Variants in TSBP1 observed in about 807,000 individuals in gnomAD.
TSBP1 encodes testis expressed basic protein 1.
A neutral mutation model predicts 68.8 loss-of-function variants in TSBP1; 56 were observed. The ratio of observed to expected loss-of-function variants is 0.81; its 90% CI spans 0.66 to 1.02. The LOEUF is 1.02. Among genes scored for constraint, TSBP1 ranks in the 50% least tolerant of loss-of-function variants. The probability of loss-of-function intolerance (pLI) is 0.00; values close to 1 mark genes in which losing one functional copy is unlikely to be tolerated. For synonymous variants in TSBP1, 171 were observed against 208.7 expected (o/e 0.82, Z 1.56); for missense variants, 502 against 641.2 (o/e 0.78, Z 2.34).
At chr6:32,317,595 C>T (rs1442306074) in intron 18 of TSBP1, among the ~76,000 whole-genome samples, 1 of 152,112 alleles carries the variant, frequency 6.6e-6, no homozygotes, top group African/African-American at 2.4e-5. Flanking sequence ...CTGTAAGGAA[C>T]TTAAACAAAT....
rs1769787465 is a variant in TSBP1, at chr6:32,337,282, G to T, written c.410-647C>A. Among the ~76,000 whole-genome samples, 1 of 152,200 alleles carries T rather than the reference G, an allele frequency of 6.6e-6. No individual in the cohort carries two copies. Among genetic ancestry groups the T allele is most frequent in the Non-Finnish European group, 1.5e-5 (1 of 68,036 alleles). On this transcript the variant is annotated intron_variant, in intron 11 of 22. Coordinates refer to ENST00000612031, the Ensembl canonical transcript of TSBP1. The surrounding 1 kb of genome is among the most constrained non-coding windows in gnomAD (Gnocchi z 5.5). Reference sequence around the variant, plus strand: ...TTATAAATGCTTCTTTCTTCATCTTGGAGGATCCCGGTTACTGGTGGAATC... The same window carrying T: ...TTATAAATGCTTCTTTCTTCATCTTTGAGGATCCCGGTTACTGGTGGAATC...
chr6:32,368,808 TA>T lies in TSBP1; in HGVS notation c.106del (p.Tyr36IlefsTer51). 1 of 1,590,022 alleles carries T rather than the reference TA, an allele frequency of 6.3e-7. No homozygotes were observed. On this transcript the variant is annotated frameshift_variant, in exon 3 of 23. Coordinates refer to ENST00000612031, the Ensembl canonical transcript of TSBP1. LOFTEE classifies it high-confidence loss of function. ...TTGTTCTGAACTGTATCTGGAGATA[TA>T]CATTTCTGTGGAAGAATTAGGCAAA...
intron 9 of TSBP1, 82 bp downstream of exon 9, chr6:32,349,658 A>C: frequency 1.2e-6 from 1 of 811,450 alleles, no homozygotes; most frequent in Non-Finnish European, 2.1e-6. Context: ...GCAGCGAAGA[A>C]GTCTGGGAAG....
chr6:32,323,701 T>C (rs748614202), intron 16 of TSBP1, 87 bp from the exon 18 acceptor site: 21 of 1,196,254 alleles, frequency 1.8e-5, no homozygotes, highest in Non-Finnish European at 2.4e-5. Flanking sequence ...TGGTAGGTCA[T>C]TATAACAATA....
intron 19 of TSBP1, among the ~76,000 whole-genome samples, chr6:32,308,597 C>CAAAAAA (rs9279570): frequency 9.2e-6 from 1 of 108,552 alleles, no homozygotes; most frequent in Non-Finnish European, 1.8e-5. Context: ...GACTCCGTCT[C>CAAAAAA]AAAAAAAAAA....
rs1199273579 is a variant in TSBP1, at chr6:32,303,248, G to A, written c.581-619C>T. 4.0e-5 allele frequency among the ~76,000 whole-genome samples: 6 copies of A among 151,624 alleles called. No homozygotes were observed. In the East Asian group the frequency reaches 1.2e-3, roughly 29 times the overall value. On this transcript the variant is annotated intron_variant, in intron 19 of 22. Transcript: ENST00000612031. Reference sequence around the variant, plus strand: ...ATCTAGTAGTTATAGCAATTGCTGAGAATGAGGCATTAAACTTTCCAACTG... The same window carrying A: ...ATCTAGTAGTTATAGCAATTGCTGAAAATGAGGCATTAAACTTTCCAACTG...
intron 14 of TSBP1, among the ~76,000 whole-genome samples, chr6:32,332,442 T>C (rs970445531): frequency 7.2e-5 from 11 of 152,200 alleles, no homozygotes; most frequent in African/African-American, 2.4e-4. Context: ...TTATTTCTGA[T>C]CAACTAATAT....
chr6:32,354,281 G>A lies in TSBP1; in HGVS notation c.259+843C>T, dbSNP rs558903238. 9.2e-5 allele frequency among the ~76,000 whole-genome samples: 14 copies of A among 152,048 alleles called. 1 individual carries two copies. In the South Asian group the frequency reaches 2.7e-3, roughly 29 times the overall value. The stretch of plus-strand genomic sequence containing the variant: ...ATAAATGGGTAAAGTAAATGAACAA[G>A]CAATTTATATAGGGTGAAGCCTCAC... On this transcript the variant is annotated intron_variant, in intron 8 of 22. Transcript: ENST00000612031.
At chr6:32,368,707 A>C in intron 3 of TSBP1, 75 bp downstream of exon 3, 1 of 1,452,034 alleles carries the variant, frequency 6.9e-7, no homozygotes, top group Non-Finnish European at 9.5e-7. Flanking sequence ...ACTGTAAACA[A>C]GACAGATTTC....
In TSBP1 at chr6:32,367,917, CTATT is replaced by C. The variant is rs766019086; in HGVS notation, c.166+4_166+7del. On this transcript the variant is annotated splice_donor_5th_base_variant and intron_variant, in intron 4 of 22. Coordinates refer to ENST00000612031, the Ensembl canonical transcript of TSBP1. Reference sequence around the variant, plus strand: ...CATTAACTGTCTAGTAGTTCCTAATCTATTTACCTCTACCATCCTCATAGTCCAG... The same window carrying C: ...CATTAACTGTCTAGTAGTTCCTAATCTACCTCTACCATCCTCATAGTCCAG... 1 of 1,603,340 alleles carries C rather than the reference CTATT, an allele frequency of 6.2e-7. No homozygotes were observed. The highest frequency in any genetic ancestry group is 8.5e-7 in the Non-Finnish European group (1 of 1,171,660).
intron 14 of TSBP1, among the ~76,000 whole-genome samples, chr6:32,332,332 A>G (rs768692031): frequency 8.5e-5 from 13 of 152,220 alleles, no homozygotes; most frequent in Non-Finnish European, 1.6e-4. Flanking sequence ...CTTTGTTATT[A>G]GGTATTAACA....
chr6:32,320,090 T>C (rs1165304969), intron 18 of TSBP1: 1 of 453,690 alleles, frequency 2.2e-6, no homozygotes, highest in Non-Finnish European at 4.4e-6. Flanking sequence ...GATTTTCTCA[T>C]AGATTTCATA....
rs1033498 is a variant in TSBP1 at position 32,340,092 on chromosome 6, T to C, written c.350-454A>G. ...AAAGTTCTGAGTCCTGACAGCAGAG[T>C]ATTATAATGTGCACTTAATTCTGTT... is the stretch of plus-strand genomic sequence containing the variant. On this transcript the variant is annotated intron_variant, in intron 9 of 22. Transcript: ENST00000612031. The surrounding 1 kb of genome is among the most constrained non-coding windows in gnomAD (Gnocchi z 4.8). Among the ~76,000 whole-genome samples, 51,144 of 152,068 alleles carry C rather than the reference T, an allele frequency of 0.34. 9,667 individuals carry two copies. The highest frequency in any genetic ancestry group is 0.52 in the Middle Eastern group (153 of 292).
intron 9 of TSBP1, among the ~76,000 whole-genome samples, chr6:32,347,024 G>A (rs1003529486): frequency 2.9e-4 from 44 of 152,056 alleles, no homozygotes; most frequent in African/African-American, 1.0e-3. Flanking sequence ...TGAGGAAATG[G>A]ATATGTTAAC....
At chr6:32,367,464 G>A (rs1156557997) in intron 4 of TSBP1, among the ~76,000 whole-genome samples, 1 of 152,142 alleles carries the variant, frequency 6.6e-6, no homozygotes, top group East Asian at 1.9e-4. Context: ...ACCTGAATTT[G>A]ATATCCAGCT....
chr6:32,342,109 A>G (rs975651923), intron 9 of TSBP1, among the ~76,000 whole-genome samples: 3 of 140,124 alleles, frequency 2.1e-5, no homozygotes, highest in East Asian at 2.1e-4. Context: ...TTTAAACTTT[A>G]CCTCTTTGGT....
At position 32,314,616 on chromosome 6, in the gene TSBP1, A is replaced by G. The variant is rs1766756620; in HGVS notation, c.580+1156T>C. Among the ~76,000 whole-genome samples, 3 of 152,222 alleles carry G rather than the reference A, an allele frequency of 2.0e-5. No homozygotes were observed. The South Asian group carries it at 6.2e-4, about 32-fold the overall frequency. Reference sequence around the variant, plus strand: ...AGGGATTTTGGAGAGACACTCACTTATAATTCTTTGTTGACAGTTCCATTT... The same window carrying G: ...AGGGATTTTGGAGAGACACTCACTTGTAATTCTTTGTTGACAGTTCCATTT... On this transcript the variant is annotated intron_variant, in intron 19 of 22. Coordinates refer to ENST00000612031, the Ensembl canonical transcript of TSBP1. This position sits in a 1 kb window ranked among gnomAD's most constrained non-coding sequence, Gnocchi z 4.2.
rs1434861029 is a variant in TSBP1 at position 32,325,430 on chromosome 6, C to T, written c.515-1816G>A. 15 of 919,222 alleles carry T rather than the reference C, an allele frequency of 1.6e-5. No individual in the cohort carries two copies. In the East Asian group the frequency reaches 2.9e-4, roughly 18 times the overall value. 56.9% of individuals were successfully genotyped at this position (919,222 alleles called of 1,614,324 possible). On this transcript the variant is annotated intron_variant, in intron 16 of 22. Coordinates refer to ENST00000612031, the Ensembl canonical transcript of TSBP1. The surrounding 1 kb of genome is among the most constrained non-coding windows in gnomAD (Gnocchi z 4.4). ...CCACTGTGGAGGAGGTGGATGCAGC[C>T]GTGAATGCAAGGCCACACAAGGTGG...
chr6:32,335,964 A>G lies in TSBP1; in HGVS notation c.431-32T>C. The G allele has an allele frequency of 1.3e-6, 2 of 1,590,874 alleles. No individual in the cohort carries two copies. The highest frequency in any genetic ancestry group is 1.7e-6 in the Non-Finnish European group (2 of 1,163,762). ...GAGAGAAAGAGGGAGAAAGAAAAAG[A>G]TATCAGTATGCTTCACCACTGTGAA... On this transcript the variant is annotated intron_variant, in intron 12 of 22. Transcript: ENST00000612031. The surrounding 1 kb of genome is among the most constrained non-coding windows in gnomAD (Gnocchi z 5.5).
Sources: allele counts gnomAD v4.1 joint callset (sites outside exome capture counted in the v4.1 genomes callset), GRCh38; gene constraint gnomAD v4.1.1; non-coding constraint Gnocchi (gnomAD v3.1); transcripts MANE v1.5; gene names NCBI Gene and HGNC (gene_info 2026-07-23, HGNC 2026-07-21).